Variants in PLA2G1B observed in about 807,000 individuals in gnomAD.
The protein encoded by PLA2G1B is phospholipase A2 group IB, also known as phospholipase A2.
Under a neutral mutation model 12.5 loss-of-function variants are expected in PLA2G1B, and 12 were observed. The observed-to-expected ratio is 0.96, with a 90% confidence interval of 0.62 to 1.56. The LOEUF (loss-of-function observed/expected upper bound fraction) is 1.56, where lower values mean the gene tolerates loss of function less well. Ranked by LOEUF, PLA2G1B falls within the 40% of genes most tolerant of loss-of-function variation. The probability of loss-of-function intolerance (pLI) is 0.00; values close to 1 mark genes in which losing one functional copy is unlikely to be tolerated. For missense variants in PLA2G1B, 189 were observed against 186.7 expected, an observed-to-expected ratio of 1.01 and a Z score of -0.07; for synonymous variants, 81 against 73.4, an observed-to-expected ratio of 1.10 and a Z score of -0.53.
At chr12:120,322,741 CATGCCCAGCTA>C (rs1873262744) in intron 3 of PLA2G1B, among the ~76,000 whole-genome samples, 1 of 152,066 alleles carries the variant, frequency 6.6e-6, no homozygotes, top group Admixed American at 6.6e-5. Context: ...TGCTCGCCAC[CATGCCCAGCTA>C]ATTTTTGTAT....
intron 2 of PLA2G1B, 119 bp from the exon 3 acceptor site, chr12:120,325,180 A>T: frequency 1.1e-6 from 1 of 944,238 alleles, no homozygotes; most frequent in Non-Finnish European, 1.6e-6. Context: ...AGGAGAAATG[A>T]TCCTATGGCT....
chr12:120,323,121 A>G lies in PLA2G1B; in HGVS notation c.323-804T>C, dbSNP rs9657939. 4.2e-3 allele frequency among the ~76,000 whole-genome samples: 637 copies of G among 152,288 alleles called. 6 individuals carry two copies. Among genetic ancestry groups the G allele is most frequent in the African/African-American group, 0.015 (612 of 41,568 alleles). The stretch of plus-strand genomic sequence containing the variant: ...ATATTTATGTAGAGTTTGAAGTTGC[A>G]TTACTTTTGGCTTGTTTACTTTTAT... On this transcript the variant is annotated intron_variant, in intron 3 of 3. Transcript: ENST00000308366.
At position 120,326,008 on chromosome 12, in the gene PLA2G1B, TCGG is replaced by T. The variant is rs763020426; in HGVS notation, c.44_46del (p.Ala15del). ...CACGGCCCGAGGGCTGATGCCGCTG[TCGG>T]CGGCGGCCACTGCAAGAAGACATAG... is the stretch of plus-strand genomic sequence containing the variant. On this transcript the variant is annotated inframe_deletion, in exon 2 of 4. Transcript: ENST00000308366. 2 of 1,613,924 alleles carry T rather than the reference TCGG, an allele frequency of 1.2e-6. No individual in the cohort carries two copies. Among genetic ancestry groups the T allele is most frequent in the Admixed American group, 3.3e-5 (2 of 59,998 alleles).
intron 1 of PLA2G1B, among the ~76,000 whole-genome samples, chr12:120,326,920 G>A (rs1873363140): frequency 6.6e-6 from 1 of 151,956 alleles, no homozygotes; most frequent in African/African-American, 2.4e-5. Context: ...GCAGTGAGCC[G>A]AGATCGCACC....
intron 1 of PLA2G1B, among the ~76,000 whole-genome samples, chr12:120,327,046 A>T (rs898445238): frequency 2.0e-5 from 3 of 152,086 alleles, no homozygotes; most frequent in Admixed American, 6.6e-5. Context: ...AGAATAGAGC[A>T]GGATGAGGAG....
chr12:120,326,786 C>T (rs1565876496), intron 1 of PLA2G1B, among the ~76,000 whole-genome samples: 1 of 151,546 alleles, frequency 6.6e-6, no homozygotes, highest in Non-Finnish European at 1.5e-5. Context: ...CTGGCTAACA[C>T]GATGAAACCC....
intron 2 of PLA2G1B, among the ~76,000 whole-genome samples, chr12:120,325,441 C>A (rs1873321796): frequency 6.6e-6 from 1 of 152,096 alleles, no homozygotes; most frequent in African/African-American, 2.4e-5. Flanking sequence ...CTCAAGTGAT[C>A]CGCCCGCCTC....
chr12:120,322,435 T>C, intron 3 of PLA2G1B, 118 bp from the exon 4 acceptor site: 1 of 893,316 alleles, frequency 1.1e-6, no homozygotes, highest in Non-Finnish European at 1.7e-6. Context: ...CATTTAGGGC[T>C]GACAGATTAA....
intron 3 of PLA2G1B, 113 bp downstream of exon 3, chr12:120,324,821 A>G: frequency 9.3e-7 from 1 of 1,073,182 alleles, no homozygotes; most frequent in Admixed American, 1.8e-5. Flanking sequence ...TAAAGGAGAC[A>G]CTGCCCAGAA....
intron 2 of PLA2G1B, among the ~76,000 whole-genome samples, chr12:120,325,305 A>G (rs1289358681): frequency 6.6e-6 from 1 of 151,784 alleles, no homozygotes; most frequent in Non-Finnish European, 1.5e-5. Flanking sequence ...GCTCACTGAA[A>G]CCTCCAACTC....
chr12:120,326,054 C>G, intron 1 of PLA2G1B, 34 bp from the exon 2 acceptor site: 2 of 1,608,408 alleles, frequency 1.2e-6, no homozygotes, highest in Non-Finnish European at 1.7e-6. Context: ...TCAAATCGGT[C>G]TGCCAGCACC....
At chr12:120,322,421 TG>T in intron 3 of PLA2G1B, 104 bp from the exon 4 acceptor site, 1 of 1,054,404 alleles carries the variant, frequency 9.5e-7, no homozygotes, top group Non-Finnish European at 1.4e-6. Context: ...ATTCCACTGA[TG>T]CACATTTAGG....
chr12:120,323,697 T>A (rs1464922361), intron 3 of PLA2G1B, among the ~76,000 whole-genome samples: 2 of 152,116 alleles, frequency 1.3e-5, no homozygotes, highest in Non-Finnish European at 2.9e-5. Flanking sequence ...GTTCATAGCT[T>A]TCATCAGATT....
intron 1 of PLA2G1B, among the ~76,000 whole-genome samples, chr12:120,327,257 C>T (rs1178026125): frequency 3.3e-5 from 5 of 151,422 alleles, no homozygotes; most frequent in Non-Finnish European, 7.4e-5. Context: ...ATCACGCCAC[C>T]GCACTCCAGC....
intron 3 of PLA2G1B, among the ~76,000 whole-genome samples, chr12:120,322,721 G>C (rs1873261990): frequency 6.6e-6 from 1 of 152,060 alleles, no homozygotes; most frequent in Admixed American, 6.6e-5. Context: ...TGAGTAGCTG[G>C]GACTACAGGT....
At chr12:120,325,709 C>G in intron 2 of PLA2G1B, 152 bp downstream of exon 2, 1 of 752,870 alleles carries the variant, frequency 1.3e-6, no homozygotes. Flanking sequence ...ACAGGGTCCT[C>G]TTGGAACATA....
At chr12:120,324,606 T>G (rs1233829063) in intron 3 of PLA2G1B, among the ~76,000 whole-genome samples, 1 of 152,150 alleles carries the variant, frequency 6.6e-6, no homozygotes, top group African/African-American at 2.4e-5. Context: ...AGGTTGAGGC[T>G]GCAGTGACCT....
intron 1 of PLA2G1B, among the ~76,000 whole-genome samples, chr12:120,327,349 G>C (rs866709234): frequency 4.6e-5 from 7 of 152,112 alleles, no homozygotes; most frequent in South Asian, 4.2e-4. Flanking sequence ...AAATAAATGG[G>C]AGATTGGCCT....
At chr12:120,325,760 C>T in intron 2 of PLA2G1B, 101 bp downstream of exon 2, 4 of 1,055,850 alleles carry the variant, frequency 3.8e-6, no homozygotes, top group Non-Finnish European at 5.7e-6. Flanking sequence ...TTATCCTTAG[C>T]AGATATGCAA....
Sources: gnomAD v4.1 joint callset for allele counts (sites outside exome capture counted in the v4.1 genomes callset) on GRCh38, gnomAD v4.1.1 for gene constraint, MANE v1.5 for transcripts, NCBI Gene and HGNC (gene_info 2026-07-23, HGNC 2026-07-21) for gene names.